METTL22: variants seen among roughly 807,000 people sequenced by gnomAD.
METTL22 encodes the protein methyltransferase-like protein 22.
Under a neutral mutation model 48.4 loss-of-function variants are expected in METTL22, and 51 were observed. The ratio of observed to expected loss-of-function variants is 1.05; its 90% CI spans 0.84 to 1.33. The LOEUF is 1.33. Among genes scored for constraint, METTL22 ranks in the 40% most tolerant of loss-of-function variants. The pLI, the probability that METTL22 is intolerant of heterozygous loss-of-function variation, is 0.00. For synonymous variants in METTL22, 255 were observed against 214.1 expected, an observed-to-expected ratio of 1.19 and a Z score of -1.67; for missense variants, 678 against 526.9, an observed-to-expected ratio of 1.29 and a Z score of -2.81.
the METTL22 span, among the ~76,000 whole-genome samples, chr16:8,661,515 G>C: frequency 2.1e-5 from 3 of 140,902 alleles, no homozygotes; most frequent in African/African-American, 8.1e-5. Flanking sequence ...GCGTGGTGGC[G>C]GGCGCCTGTA....
the METTL22 span, among the ~76,000 whole-genome samples, chr16:8,664,715 C>A: frequency 6.6e-6 from 1 of 152,056 alleles, no homozygotes; most frequent in Admixed American, 6.5e-5. Context: ...CCCACCTCAG[C>A]CTTCCAAAGT....
intron 7 of METTL22, chr16:8,641,401 A>G: frequency 1.5e-6 from 1 of 648,414 alleles, no homozygotes; most frequent in South Asian, 1.5e-5. Flanking sequence ...TTTCTTCTCC[A>G]GGTGTTGTGG....
chr16:8,628,503 C>T (rs1253425932), intron 2 of METTL22, among the ~76,000 whole-genome samples: 1 of 151,898 alleles, frequency 6.6e-6, no homozygotes, highest in Non-Finnish European at 1.5e-5. Flanking sequence ...AGCCAAGTGC[C>T]TCATAGATTC....
chr16:8,626,998 A>T (rs1343552883), intron 2 of METTL22, among the ~76,000 whole-genome samples: 1 of 149,574 alleles, frequency 6.7e-6, no homozygotes, highest in African/African-American at 2.5e-5. Context: ...TGATCTCCTG[A>T]CCTCGTGCCG....
Position 8,625,784 on chromosome 16 carries a change from G to A in METTL22, c.119G>A (p.Ser40Asn). The A allele has an allele frequency of 3.1e-6, 5 of 1,614,170 alleles. No homozygotes were observed. Among genetic ancestry groups the A allele is most frequent in the Non-Finnish European group, 4.2e-6 (5 of 1,180,020 alleles). The change falls in exon 2 of 11, where the codon AGC becomes AAC. Residue 40 changes from serine to asparagine, a missense_variant. Ser to Asn is a conservative substitution (Grantham distance 46, BLOSUM62 1). Transcript: ENST00000381920. Reference sequence around the variant, plus strand: ...AGACATCTCATGGTACGGCTGAACAGCGTGGGGCAGCCAGGTAAGGTCCTG... The same window carrying A: ...AGACATCTCATGGTACGGCTGAACAACGTGGGGCAGCCAGGTAAGGTCCTG... The part of the protein sequence containing the change: ...NHRHLMVRLN[S>N]VGQPVFLSQF...
At chr16:8,628,419 A>G (rs893311078) in intron 2 of METTL22, among the ~76,000 whole-genome samples, 1 of 152,078 alleles carries the variant, frequency 6.6e-6, no homozygotes, top group African/African-American at 2.4e-5. Flanking sequence ...TCTAAGCCTC[A>G]GTTTCTGGGT....
chr16:8,662,203 C>G, the METTL22 span, among the ~76,000 whole-genome samples: 2 of 145,584 alleles, frequency 1.4e-5, no homozygotes, highest in African/African-American at 5.1e-5. Flanking sequence ...GACTGCACCA[C>G]TGCACTCCCG....
chr16:8,654,230 T>C (rs1468274670), downstream of METTL22, among the ~76,000 whole-genome samples: 1 of 152,224 alleles, frequency 6.6e-6, no homozygotes, highest in Non-Finnish European at 1.5e-5. Flanking sequence ...TTGTGAGGGA[T>C]AGAGCCAGGC....
intron 2 of METTL22, 114 bp from the exon 3 acceptor site, chr16:8,628,616 A>G (rs540441901): frequency 1.5e-6 from 2 of 1,376,028 alleles, no homozygotes; most frequent in Non-Finnish European, 1.9e-6. Context: ...GTATATCTCT[A>G]CCTGGCCTTT....
the METTL22 span, among the ~76,000 whole-genome samples, chr16:8,661,930 T>A: frequency 0.13 from 18,514 of 143,642 alleles, 3,368 homozygotes; most frequent in Middle Eastern, 0.2. Flanking sequence ...AGAGGCTGTC[T>A]GAGGTCACAG....
the METTL22 span, among the ~76,000 whole-genome samples, chr16:8,654,741 G>C: frequency 6.6e-6 from 1 of 152,196 alleles, no homozygotes; most frequent in Non-Finnish European, 1.5e-5. Context: ...TGGGCTTGGT[G>C]CTCCTCCAAC....
chr16:8,665,320 A>G, the METTL22 span, among the ~76,000 whole-genome samples: 1 of 152,140 alleles, frequency 6.6e-6, no homozygotes, highest in East Asian at 1.9e-4. Flanking sequence ...AAACAAAAAT[A>G]GCTGAGGCTG....
At chr16:8,634,957 G>C in intron 3 of METTL22, 82 bp from the exon 4 acceptor site, 1 of 1,577,448 alleles carries the variant, frequency 6.3e-7, no homozygotes, top group South Asian at 1.1e-5. Context: ...CGTGCTGGCG[G>C]TTGCCACACT....
At chr16:8,667,096 C>CT in the METTL22 span, 2 of 151,956 alleles carry the variant, frequency 1.3e-5, no homozygotes, top group African/African-American at 4.8e-5. Flanking sequence ...GCGCCCGGCT[C>CT]TGTCTCCTGA....
rs2056858381 is a variant in METTL22 at position 8,649,363 on chromosome 16, C to G, written c.*3220C>G. The G allele has an allele frequency of 6.6e-6, 1 of 152,154 alleles. No individual in the cohort carries two copies. Among genetic ancestry groups the G allele is most frequent in the Admixed American group, 6.5e-5 (1 of 15,274 alleles). The allele number at this position is 152,154 out of a possible 1,614,324, so 9.4% of individuals were successfully genotyped here. ...GTTTGGCAGCGATATTCAGAATCACCAAACCATGGGGATGTTCTGCTAGGT... is the reference window on the plus strand; with the variant it reads ...GTTTGGCAGCGATATTCAGAATCACGAAACCATGGGGATGTTCTGCTAGGT... On this transcript the variant is annotated 3_prime_UTR_variant, in exon 11 of 11. Coordinates refer to ENST00000381920, the MANE Select transcript of METTL22 (RefSeq NM_024109.4).
chr16:8,636,262 C>A (rs138368603), intron 5 of METTL22, among the ~76,000 whole-genome samples: 1,801 of 152,236 alleles, frequency 0.012, 130 homozygotes, highest in Admixed American at 0.11. Flanking sequence ...AGGCCAGGTG[C>A]GGTGGCTGAC....
At position 8,628,854 on chromosome 16, in the gene METTL22, G is replaced by GTCCC; in HGVS notation, c.259_262dup (p.Pro88LeufsTer9). ...CTTCTGCTGAGACAGGCAGCACAGG[G>GTCCC]TCCCCTCCAGGAAGTGGCCATGGTA... On this transcript the variant is annotated frameshift_variant, in exon 3 of 11. Coordinates refer to ENST00000381920, the MANE Select transcript of METTL22 (RefSeq NM_024109.4). LOFTEE classifies it high-confidence loss of function. 6.8e-6 allele frequency: 11 copies of GTCCC among 1,613,840 alleles called. No homozygotes were observed. The highest frequency in any genetic ancestry group is 9.3e-6 in the Non-Finnish European group (11 of 1,179,962).
chr16:8,622,133 C>G (rs1236220177), intron 1 of METTL22, among the ~76,000 whole-genome samples: 1 of 152,182 alleles, frequency 6.6e-6, no homozygotes, highest in South Asian at 2.1e-4. Flanking sequence ...CCCCGGAGCC[C>G]CTCACTACCA....
intron 10 of METTL22, 92 bp from the exon 11 acceptor site, chr16:8,646,016 C>G (rs2056787263): frequency 6.3e-7 from 1 of 1,583,486 alleles, no homozygotes; most frequent in South Asian, 1.1e-5. Context: ...TGTTGTCTAA[C>G]TACTCTCCTT....
Sources: gnomAD v4.1 joint callset for allele counts (sites outside exome capture counted in the v4.1 genomes callset) on GRCh38, gnomAD v4.1.1 for gene constraint, MANE v1.5 for transcripts, NCBI Gene and HGNC (gene_info 2026-07-23, HGNC 2026-07-21) for gene names.